The following CDC73 variants were observed in gnomAD, a reference collection of about 807,000 sequenced individuals.
CDC73 encodes the protein cell division cycle 73.
Under a neutral mutation model 83.7 loss-of-function variants are expected in CDC73, and 21 were observed. The ratio of observed to expected loss-of-function variants is 0.25; its 90% confidence interval spans 0.18 to 0.36. CDC73 has a LOEUF of 0.36. Among genes scored for constraint, CDC73 ranks in the 10% least tolerant of loss-of-function variants. The probability of loss-of-function intolerance (pLI) is 1.00; values close to 1 mark genes in which losing one functional copy is unlikely to be tolerated. For synonymous variants in CDC73, 224 were observed against 212.9 expected, an observed-to-expected ratio of 1.05 and a Z score of -0.45; for missense variants, 342 against 653.3, an observed-to-expected ratio of 0.52 and a Z score of 5.19.
At chr1:193,211,951 A>G (rs1677286705) in intron 11 of CDC73, 114 bp from the exon 12 acceptor site, 1 of 765,624 alleles carries the variant, frequency 1.3e-6, no homozygotes, top group Non-Finnish European at 2.2e-6. Context: ...CTTCTGATTT[A>G]CAGTTAGTCA....
At position 193,150,285 on chromosome 1, in the gene CDC73, ATAAT is replaced by A. The variant is rs1676082751; in HGVS notation, c.829-13_829-10del. On this transcript the variant is annotated splice_polypyrimidine_tract_variant and intron_variant, in intron 8 of 16. Coordinates refer to ENST00000367435, the MANE Select transcript of CDC73 (RefSeq NM_024529.5). Reference sequence around the variant, plus strand: ...ATTTAAAAATATTAACAAGTAACTCATAATTAATTTTTTTACAGGATCCCACTTT... The same window carrying A: ...ATTTAAAAATATTAACAAGTAACTCATAATTTTTTTACAGGATCCCACTTT... 1 of 1,526,834 alleles carries A rather than the reference ATAAT, an allele frequency of 6.5e-7. No homozygotes were observed. The highest frequency in any genetic ancestry group is 9.1e-7 in the Non-Finnish European group (1 of 1,100,484). 94.6% of individuals were successfully genotyped at this position (1,526,834 alleles called of 1,614,324 possible). A position where few individuals can be genotyped will look rare whatever the true frequency, so the allele number is the denominator to read the frequency against.
At chr1:193,139,729 G>C (rs1315019977) in intron 6 of CDC73, among the ~76,000 whole-genome samples, 3 of 152,028 alleles carry the variant, frequency 2.0e-5, no homozygotes, top group African/African-American at 7.3e-5. Context: ...AAATCCCTTG[G>C]AAACAGTTTG....
chr1:193,139,042 G>A (rs1011770536), intron 6 of CDC73, among the ~76,000 whole-genome samples: 3 of 152,022 alleles, frequency 2.0e-5, no homozygotes, highest in Middle Eastern at 3.2e-3. Flanking sequence ...CCAAAGTGCT[G>A]GGATTACAGG....
intron 10 of CDC73, among the ~76,000 whole-genome samples, chr1:193,177,706 G>A (rs895572831): frequency 6.6e-6 from 1 of 152,090 alleles, no homozygotes; most frequent in Non-Finnish European, 1.5e-5. Flanking sequence ...CATACTGCTT[G>A]TACAATCAGT....
Position 193,212,396 on chromosome 1 carries a change from G to C in CDC73, c.1073G>C (p.Arg358Pro). Residue 358 changes from arginine (R) to proline (P), a missense_variant, in exon 13 of 17, where the codon CGA becomes CCA. By Grantham distance (103) the Arg-to-Pro change is moderately radical. This residue lies in a region of CDC73 where 239 missense variants were observed against 420.6 expected (regional missense o/e 0.57). Coordinates refer to ENST00000367435, the MANE Select transcript of CDC73 (RefSeq NM_024529.5). Reference protein sequence around the residue: ...RPPPNQKKGSRTPIIIIPAAT... With the variant: ...RPPPNQKKGSPTPIIIIPAAT... ...GTAAATTTTGTCTTTATAGGATCTC[G>C]AACACCCATTATCATAATTCCTGCA... is the stretch of plus-strand genomic sequence containing the variant. 6.3e-7 allele frequency: 1 copy of C among 1,593,192 alleles called. No individual in the cohort carries two copies. The highest frequency in any genetic ancestry group is 8.6e-7 in the Non-Finnish European group (1 of 1,166,556).
intron 7 of CDC73, 58 bp from the exon 8 acceptor site, chr1:193,147,809 A>G: frequency 1.1e-6 from 1 of 923,918 alleles, no homozygotes; most frequent in Non-Finnish European, 1.7e-6. Flanking sequence ...TAAATTATCA[A>G]CTAAATTTAC....
At chr1:193,154,431 G>A (rs1164972602) in intron 10 of CDC73, among the ~76,000 whole-genome samples, 1 of 152,142 alleles carries the variant, frequency 6.6e-6, no homozygotes, top group South Asian at 2.1e-4. Flanking sequence ...TGAGAATGAT[G>A]TGATTCTGCG....
chr1:193,128,891 G>A (rs1675636544), intron 2 of CDC73, among the ~76,000 whole-genome samples: 1 of 151,916 alleles, frequency 6.6e-6, no homozygotes, highest in Non-Finnish European at 1.5e-5. Flanking sequence ...AAATCTGTTA[G>A]CTACCAATTT....
intron 5 of CDC73, among the ~76,000 whole-genome samples, chr1:193,137,169 G>C (rs557856422): frequency 3.4e-4 from 52 of 152,292 alleles, no homozygotes; most frequent in African/African-American, 1.3e-3. Context: ...AAAATCAGTA[G>C]TAAGGAATTT....
intron 10 of CDC73, chr1:193,161,125 C>A (rs1676301181): frequency 5.7e-6 from 1 of 175,536 alleles, no homozygotes; most frequent in South Asian, 2.0e-4. Flanking sequence ...TTTTCCAGGT[C>A]TTTTTCTTGA....
At chr1:193,219,049 C>A (rs1011608384) in intron 13 of CDC73, among the ~76,000 whole-genome samples, 7 of 151,958 alleles carry the variant, frequency 4.6e-5, no homozygotes, top group Admixed American at 2.0e-4. Context: ...GGACCTTAAG[C>A]ATAAAACAAA....
chr1:193,163,024 A>C (rs1325267652), intron 10 of CDC73, among the ~76,000 whole-genome samples: 1 of 152,176 alleles, frequency 6.6e-6, no homozygotes, highest in Non-Finnish European at 1.5e-5. Context: ...TTAGTAACTT[A>C]TCTAGCTACA....
intron 10 of CDC73, among the ~76,000 whole-genome samples, chr1:193,165,263 T>G (rs528002677): frequency 6.6e-6 from 1 of 152,330 alleles, no homozygotes; most frequent in South Asian, 2.1e-4. Flanking sequence ...CCCTCCCAAT[T>G]AGTAATTTCA....
intron 3 of CDC73, among the ~76,000 whole-genome samples, chr1:193,130,559 A>G (rs1277529064): frequency 1.3e-5 from 2 of 152,220 alleles, no homozygotes; most frequent in African/African-American, 4.8e-5. Context: ...TACCTACAGT[A>G]AGATTTCATG....
chr1:193,192,474 A>T (rs970364517), intron 10 of CDC73, among the ~76,000 whole-genome samples: 1 of 152,166 alleles, frequency 6.6e-6, no homozygotes, highest in African/African-American at 2.4e-5. Context: ...CAAGTGTTGG[A>T]AGTAAGTAAA....
chr1:193,250,647 A>G (rs1678030119), intron 16 of CDC73, 29 bp from the exon 17 acceptor site: 4 of 1,552,972 alleles, frequency 2.6e-6, no homozygotes, highest in Non-Finnish European at 1.8e-6. Context: ...TCCTATAGTC[A>G]TTATAACCTA....
At chr1:193,227,527 A>T (rs1252155713) in intron 13 of CDC73, among the ~76,000 whole-genome samples, 2 of 152,138 alleles carry the variant, frequency 1.3e-5, no homozygotes, top group East Asian at 1.9e-4. Context: ...TGTTAGGGAG[A>T]TAACAGACTT....
chr1:193,152,553 T>A, intron 10 of CDC73, 109 bp downstream of exon 10: 1 of 741,930 alleles, frequency 1.3e-6, no homozygotes. Context: ...AACATTTTTC[T>A]TTATTGATCA....
chr1:193,180,378 G>A (rs140400020), intron 10 of CDC73: 6 of 1,613,368 alleles, frequency 3.7e-6, no homozygotes, highest in Non-Finnish European at 5.1e-6. Flanking sequence ...GTTGTAAATG[G>A]TTCCAGTATT....
Sources: gnomAD v4.1 joint callset for allele counts (sites outside exome capture counted in the v4.1 genomes callset) on GRCh38, gnomAD v4.1.1 for gene constraint, gnomAD v4.1.1 regional missense constraint, MANE v1.5 for transcripts, NCBI Gene and HGNC (gene_info 2026-07-23, HGNC 2026-07-21) for gene names.